Variants in BTBD9 observed in about 807,000 individuals in gnomAD.
The protein encoded by BTBD9 is BTB domain containing 9, also known as BTB/POZ domain-containing protein 9.
A neutral mutation model predicts 64.3 loss-of-function variants in BTBD9; 49 were observed. The observed-to-expected ratio is 0.76, with a 90% CI of 0.61 to 0.97. The LOEUF (loss-of-function observed/expected upper bound fraction) is 0.97, where lower values mean the gene tolerates loss of function less well. Ranked by LOEUF, BTBD9 falls within the 50% of genes least tolerant of loss-of-function variation. The pLI, the probability that BTBD9 is intolerant of heterozygous loss-of-function variation, is 0.00. For missense variants in BTBD9, 598 were observed against 762.1 expected (o/e 0.78, Z 2.53); for synonymous variants, 260 against 274.7 (o/e 0.95, Z 0.53).
intron 10 of BTBD9, among the ~76,000 whole-genome samples, chr6:38,187,942 C>T (rs144451399): frequency 1.3e-5 from 2 of 152,288 alleles, no homozygotes; most frequent in African/African-American, 4.8e-5. Flanking sequence ...CTCAGACTGC[C>T]GAGGCCACTG....
intron 8 of BTBD9, among the ~76,000 whole-genome samples, chr6:38,266,349 G>A (rs1321341784): frequency 2.0e-5 from 3 of 152,056 alleles, no homozygotes; most frequent in African/African-American, 7.2e-5. Context: ...GAGGTGGGTG[G>A]ATCACCCGAG....
intron 6 of BTBD9, among the ~76,000 whole-genome samples, chr6:38,442,932 T>C (rs1189319211): frequency 6.6e-6 from 1 of 152,022 alleles, no homozygotes; most frequent in Non-Finnish European, 1.5e-5. Flanking sequence ...CCTCCCAAAG[T>C]GCTGGGATTA....
At chr6:38,407,291 G>C (rs1048659799) in intron 6 of BTBD9, among the ~76,000 whole-genome samples, 1 of 152,102 alleles carries the variant, frequency 6.6e-6, no homozygotes, top group Non-Finnish European at 1.5e-5. Context: ...TCTAACTTTT[G>C]TTCCCAGTCC....
intron 6 of BTBD9, among the ~76,000 whole-genome samples, chr6:38,455,982 TTTTTTCTTTTTTTTC>T (rs796896744): frequency 6.6e-5 from 10 of 151,696 alleles, no homozygotes; most frequent in African/African-American, 2.4e-4. Flanking sequence ...TAGCCCTTTT[TTTTTTCTTTTTTTTC>T]TTTTGAGACA....
At chr6:38,214,071 A>G (rs1233479968) in intron 9 of BTBD9, among the ~76,000 whole-genome samples, 1 of 152,162 alleles carries the variant, frequency 6.6e-6, no homozygotes, top group African/African-American at 2.4e-5. Flanking sequence ...GATTTAAAAA[A>G]AGTCACCATT....
At chr6:38,504,674 G>A in intron 6 of BTBD9, 1 of 448,576 alleles carries the variant, frequency 2.2e-6, no homozygotes, top group Non-Finnish European at 4.5e-6. Context: ...TTCCTAGAAT[G>A]TTTCCTATAT....
At chr6:38,600,266 A>C (rs1777195623) in intron 1 of BTBD9, among the ~76,000 whole-genome samples, 1 of 152,264 alleles carries the variant, frequency 6.6e-6, no homozygotes, top group South Asian at 2.1e-4. Context: ...AGGAAATAAG[A>C]AAATGAATAA....
chr6:38,494,330 C>A (rs1473445771), intron 6 of BTBD9, among the ~76,000 whole-genome samples: 2 of 152,136 alleles, frequency 1.3e-5, no homozygotes, highest in Non-Finnish European at 2.9e-5. Context: ...AATTAAAATT[C>A]TTCTATTCAA....
chr6:38,179,785 C>A (rs1016374269), intron 10 of BTBD9: 3 of 456,642 alleles, frequency 6.6e-6, no homozygotes, highest in African/African-American at 6.0e-5. Context: ...ATATTTCATA[C>A]ATCAGAGGTG....
At chr6:38,469,321 C>CTTT (rs1770530390) in intron 6 of BTBD9, among the ~76,000 whole-genome samples, 1 of 127,140 alleles carries the variant, frequency 7.9e-6, no homozygotes. Flanking sequence ...TTTTTTTTTT[C>CTTT]CTTTTTTTTT....
At chr6:38,595,569 G>A (rs568302275) in intron 2 of BTBD9, among the ~76,000 whole-genome samples, 6 of 152,274 alleles carry the variant, frequency 3.9e-5, no homozygotes, top group African/African-American at 1.4e-4. Flanking sequence ...GAATGAGAAA[G>A]AAAAGATGCA....
At chr6:38,255,326 T>C (rs148158489) in intron 9 of BTBD9, among the ~76,000 whole-genome samples, 23 of 152,278 alleles carry the variant, frequency 1.5e-4, no homozygotes, top group African/African-American at 4.8e-4. Context: ...GATGAAAATG[T>C]TCTGGAATAT....
intron 5 of BTBD9, among the ~76,000 whole-genome samples, chr6:38,577,923 C>T (rs1776126335): frequency 6.6e-6 from 1 of 152,174 alleles, no homozygotes; most frequent in African/African-American, 2.4e-5. Context: ...TGTCTGTCTG[C>T]TTTCTCAAAT....
intron 6 of BTBD9, among the ~76,000 whole-genome samples, chr6:38,443,562 A>T (rs1446162660): frequency 6.6e-6 from 1 of 152,108 alleles, no homozygotes; most frequent in Non-Finnish European, 1.5e-5. Context: ...ATTCTCACTC[A>T]TTATAGGGAT....
At chr6:38,510,635 T>C (rs1772734057) in intron 6 of BTBD9, among the ~76,000 whole-genome samples, 1 of 152,234 alleles carries the variant, frequency 6.6e-6, no homozygotes, top group Admixed American at 6.5e-5. Flanking sequence ...AACACAAACA[T>C]TGTATAGCTG....
chr6:38,345,029 A>G lies in BTBD9; in HGVS notation c.1219T>C (p.Cys407Arg). 1 of 1,610,998 alleles carries G rather than the reference A, an allele frequency of 6.2e-7. No homozygotes were observed. The highest frequency in any genetic ancestry group is 1.1e-5 in the South Asian group (1 of 90,798). ...GTGAAGGTTTTGTTTGTAAACATAC[A>G]TTCAAAAGCCACAATGTGAAAAATC... ...NKIFHIVAFE[C>R]MFTNKTFTLE... The change falls in exon 7 of 11, where the codon TGT (cysteine) becomes CGT (arginine). Residue 407 changes from cysteine to arginine, a missense_variant. Cys to Arg is a radical substitution (Grantham distance 180, BLOSUM62 -3). Coordinates refer to ENST00000481247, the MANE Select transcript of BTBD9 (RefSeq NM_001099272.2).
At chr6:38,216,876 C>T (rs1232980846) in intron 9 of BTBD9, among the ~76,000 whole-genome samples, 1 of 152,088 alleles carries the variant, frequency 6.6e-6, no homozygotes, top group African/African-American at 2.4e-5. Flanking sequence ...TTCAGCATCA[C>T]CTGTTGGGGA....
chr6:38,270,503 A>G (rs1392731299), intron 8 of BTBD9, among the ~76,000 whole-genome samples: 1 of 152,184 alleles, frequency 6.6e-6, no homozygotes, highest in Non-Finnish European at 1.5e-5. Context: ...AAGAGCCAGC[A>G]TTGATATTCC....
intron 9 of BTBD9, among the ~76,000 whole-genome samples, chr6:38,208,416 G>T (rs1762726246): frequency 6.6e-6 from 1 of 152,154 alleles, no homozygotes; most frequent in Admixed American, 6.5e-5. Context: ...CATATCTAAA[G>T]ATGATCTATG....
Sources: gnomAD v4.1 joint callset for allele counts (sites outside exome capture counted in the v4.1 genomes callset) on GRCh38, gnomAD v4.1.1 for gene constraint, MANE v1.5 for transcripts, NCBI Gene and HGNC (gene_info 2026-07-23, HGNC 2026-07-21) for gene names.